The following COBL variants were observed in gnomAD, a reference collection of about 807,000 sequenced individuals.
COBL encodes the protein protein cordon-bleu.
COBL carries 51 observed loss-of-function variants against 98.8 expected under a neutral mutation model. The observed-to-expected ratio is 0.52, with a 90% CI of 0.41 to 0.65. The LOEUF is 0.65. Among genes scored for constraint, COBL ranks in the 30% least tolerant of loss-of-function variants. COBL has a pLI of 0.00. For missense variants in COBL, 1,617 were observed against 1,617.5 expected, an observed-to-expected ratio of 1.00 and a Z score of 0.01; for synonymous variants, 634 against 651.7, an observed-to-expected ratio of 0.97 and a Z score of 0.41.
chr7:51,168,769 C>T (rs1787576168), intron 5 of COBL, among the ~76,000 whole-genome samples: 1 of 152,192 alleles, frequency 6.6e-6, no homozygotes, highest in Non-Finnish European at 1.5e-5. Flanking sequence ...CTACTGGGTA[C>T]ATACCCAAAA....
intron 5 of COBL, among the ~76,000 whole-genome samples, chr7:51,146,916 T>C (rs990831153): frequency 6.6e-6 from 1 of 152,194 alleles, no homozygotes; most frequent in Non-Finnish European, 1.5e-5. Context: ...ATACGGCTGC[T>C]GATCCCCTGG....
At chr7:51,227,196 C>T (rs1268932891) in intron 1 of COBL, among the ~76,000 whole-genome samples, 1 of 152,160 alleles carries the variant, frequency 6.6e-6, no homozygotes, top group Non-Finnish European at 1.5e-5. Flanking sequence ...AGAGACGCCC[C>T]CTTTACTCTG....
chr7:51,091,891 G>A (rs572490033), intron 6 of COBL, among the ~76,000 whole-genome samples: 37 of 152,206 alleles, frequency 2.4e-4, no homozygotes, highest in African/African-American at 8.4e-4. Flanking sequence ...TGCTAAAAAC[G>A]GAGAAAAAAA....
At chr7:51,227,863 C>A (rs1042137957) in intron 1 of COBL, among the ~76,000 whole-genome samples, 1 of 152,136 alleles carries the variant, frequency 6.6e-6, no homozygotes, top group South Asian at 2.1e-4. Flanking sequence ...TTGGCCCCTG[C>A]AAACAAAACG....
rs374507042 is a variant in COBL, at chr7:51,298,648, T to C, written c.41+17945A>G. ...TGCTTGCCCACCAGGCTCATGAGCATGTCATGTCAAATGAATACACAGATG... is the reference window on the plus strand; with the variant it reads ...TGCTTGCCCACCAGGCTCATGAGCACGTCATGTCAAATGAATACACAGATG... On this transcript the variant is annotated intron_variant, in intron 1 of 12. Coordinates refer to ENST00000265136, the MANE Select transcript of COBL (RefSeq NM_015198.5). 3.6e-4 allele frequency among the ~76,000 whole-genome samples: 55 copies of C among 152,294 alleles called. No homozygotes were observed. In the South Asian group the frequency reaches 0.011, roughly 30 times the overall value.
chr7:51,197,856 A>G (rs1563026015), intron 2 of COBL, among the ~76,000 whole-genome samples: 1 of 151,596 alleles, frequency 6.6e-6, no homozygotes, highest in East Asian at 1.9e-4. Flanking sequence ...TCTGTTTTCC[A>G]TTTGCTTGGT....
At chr7:51,277,654 G>T (rs564424967) in intron 1 of COBL, among the ~76,000 whole-genome samples, 1 of 152,046 alleles carries the variant, frequency 6.6e-6, no homozygotes, top group African/African-American at 2.4e-5. Flanking sequence ...AGGGATGGAC[G>T]GGCTGCTAGA....
intron 5 of COBL, among the ~76,000 whole-genome samples, chr7:51,181,026 C>G (rs1226491678): frequency 6.6e-6 from 1 of 152,166 alleles, no homozygotes; most frequent in Non-Finnish European, 1.5e-5. Flanking sequence ...TCTGACGTGA[C>G]TGAGGTTTCA....
intron 6 of COBL, among the ~76,000 whole-genome samples, chr7:51,102,911 G>A (rs1795931160): frequency 6.6e-6 from 1 of 152,170 alleles, no homozygotes; most frequent in South Asian, 2.1e-4. Context: ...AGGGGAAGAG[G>A]GAAATGGGAG....
At chr7:51,021,954 C>T (rs1404654458) in intron 12 of COBL, among the ~76,000 whole-genome samples, 2 of 152,202 alleles carry the variant, frequency 1.3e-5, no homozygotes, top group Non-Finnish European at 2.9e-5. Context: ...GCCACCTTGG[C>T]CCCCTGCACC....
At chr7:51,312,550 A>G in intron 1 of COBL, among the ~76,000 whole-genome samples, 1 of 152,192 alleles carries the variant, frequency 6.6e-6, no homozygotes, top group East Asian at 1.9e-4. Flanking sequence ...AAGGCCTAGA[A>G]ACCTAAACTA....
chr7:51,168,334 G>C (rs1035489670), intron 5 of COBL, among the ~76,000 whole-genome samples: 1 of 152,058 alleles, frequency 6.6e-6, no homozygotes, highest in Non-Finnish European at 1.5e-5. Flanking sequence ...TACTTGAGAG[G>C]CTGAGGCAGG....
chr7:51,095,086 T>A, intron 6 of COBL, among the ~76,000 whole-genome samples: 1 of 152,316 alleles, frequency 6.6e-6, no homozygotes, highest in East Asian at 1.9e-4. Flanking sequence ...TACCAAAGAA[T>A]GGGCAATTTA....
chr7:51,266,455 G>A (rs562523288), intron 1 of COBL, among the ~76,000 whole-genome samples: 6 of 152,146 alleles, frequency 3.9e-5, no homozygotes, highest in Non-Finnish European at 8.8e-5. Context: ...GCGCATTCCT[G>A]TAATCCCAGC....
intron 8 of COBL, among the ~76,000 whole-genome samples, chr7:51,039,273 G>A (rs898400464): frequency 6.6e-6 from 1 of 152,220 alleles, no homozygotes; most frequent in Non-Finnish European, 1.5e-5. Flanking sequence ...TGTTCTAATA[G>A]GGTTCCTCTG....
intron 1 of COBL, among the ~76,000 whole-genome samples, chr7:51,248,156 C>T (rs933891078): frequency 2.0e-5 from 3 of 152,174 alleles, no homozygotes; most frequent in African/African-American, 7.2e-5. Context: ...AATTGTAACA[C>T]AGAGTCTACC....
chr7:51,090,908 G>A (rs1288244744), intron 6 of COBL, among the ~76,000 whole-genome samples: 2 of 152,204 alleles, frequency 1.3e-5, no homozygotes, highest in Admixed American at 1.3e-4. Flanking sequence ...AGATGCAAGA[G>A]AGAGCACGAG....
At chr7:51,061,768 A>G (rs1380366178) in intron 7 of COBL, among the ~76,000 whole-genome samples, 2 of 152,134 alleles carry the variant, frequency 1.3e-5, no homozygotes, top group Non-Finnish European at 2.9e-5. Flanking sequence ...TTGAGCTGGG[A>G]CACCCATCTT....
At chr7:51,289,723 AAAC>A (rs1347725468) in intron 1 of COBL, among the ~76,000 whole-genome samples, 2 of 152,270 alleles carry the variant, frequency 1.3e-5, no homozygotes, top group African/African-American at 2.4e-5. Flanking sequence ...TGATCAGAAC[AAAC>A]AACTACAAGT....
Sources: gnomAD v4.1 joint callset for allele counts (sites outside exome capture counted in the v4.1 genomes callset) on GRCh38, gnomAD v4.1.1 for gene constraint, MANE v1.5 for transcripts, NCBI Gene and HGNC (gene_info 2026-07-23, HGNC 2026-07-21) for gene names.